The following COL1A1 variants were observed in gnomAD, a reference collection of about 807,000 sequenced individuals.
COL1A1 encodes collagen alpha-1(I) chain.
A neutral mutation model predicts 195.7 loss-of-function variants in COL1A1; 21 were observed. The observed-to-expected ratio is 0.11, with a 90% CI of 0.08 to 0.15. COL1A1 has a LOEUF of 0.15. Ranked by LOEUF, COL1A1 falls within the 10% of genes least tolerant of loss-of-function variation. The pLI, the probability that COL1A1 is intolerant of heterozygous loss-of-function variation, is 1.00. For missense variants in COL1A1, 1,365 were observed against 2,051.0 expected, an observed-to-expected ratio of 0.67 and a Z score of 6.46; for synonymous variants, 749 against 747.3, an observed-to-expected ratio of 1.00 and a Z score of -0.04.
intron 9 of COL1A1, 37 bp downstream of exon 9, chr17:50,197,695 T>C (rs1343720237): frequency 6.6e-7 from 1 of 1,516,998 alleles, no homozygotes; most frequent in Non-Finnish European, 8.9e-7. Flanking sequence ...ATGGAGGCCA[T>C]GGGGTCAGAT....
At chr17:50,200,698 G>A (rs1908006630) in intron 1 of COL1A1, among the ~76,000 whole-genome samples, 1 of 152,232 alleles carries the variant, frequency 6.6e-6, no homozygotes, top group African/African-American at 2.4e-5. Flanking sequence ...AAGCAATGGG[G>A]CCGGGGCGGG....
chr17:50,190,632 C>T lies in COL1A1; in HGVS notation c.2344-36G>A, dbSNP rs761704578. Reference sequence around the variant, plus strand: ...GGGACAAGAGGCTCAGGGTCAGGGCCTCCCCTGAATACTCCTAGTAGATGA... The same window carrying T: ...GGGACAAGAGGCTCAGGGTCAGGGCTTCCCCTGAATACTCCTAGTAGATGA... On this transcript the variant is annotated intron_variant, in intron 33 of 50. Transcript: ENST00000225964. The surrounding 1 kb of genome is among the most constrained non-coding windows in gnomAD (Gnocchi z 4.7). The T allele has an allele frequency of 2.0e-5, 32 of 1,608,374 alleles. No individual in the cohort carries two copies. Among genetic ancestry groups the T allele is most frequent in the South Asian group, 4.4e-5 (4 of 90,800 alleles).
At position 50,185,514 on chromosome 17, in the gene COL1A1, G is replaced by T. The variant is rs759080989; in HGVS notation, c.4383C>A (p.Val1461=). 3.1e-6 allele frequency: 5 copies of T among 1,613,802 alleles called. No individual in the cohort carries two copies. The East Asian group carries it at 1.1e-4, about 36-fold the overall frequency. The part of the protein sequence containing the change: ...DQEFGFDVGP[V]CFL ...GGATGGAGGGAGTTTACAGGAAGCAGACAGGGCCAACGTCGAAGCCGAATT... is the reference window on the plus strand; with the variant it reads ...GGATGGAGGGAGTTTACAGGAAGCATACAGGGCCAACGTCGAAGCCGAATT... The change falls in exon 51 of 51, where the codon GTC becomes GTA. Residue 1461 remains valine, a synonymous_variant. Coordinates refer to ENST00000225964, the MANE Select transcript of COL1A1 (RefSeq NM_000088.4).
intron 2 of COL1A1, 39 bp downstream of exon 2, chr17:50,199,714 C>A: frequency 1.3e-5 from 3 of 224,854 alleles, no homozygotes. Flanking sequence ...AGGCCCCAGG[C>A]CCCAGGCCCC....
chr17:50,186,778 C>T lies in COL1A1; in HGVS notation c.3676G>A (p.Asp1226Asn). The T allele has an allele frequency of 6.2e-7, 1 of 1,614,130 alleles. No homozygotes were observed. The highest frequency in any genetic ancestry group is 8.5e-7 in the Non-Finnish European group (1 of 1,180,044). ...YRADDANVVR[D>N]RDLEVDTTLK... ...GTGGTGTCCACCTCGAGGTCACGGT[C>T]ACGAACCACATTGGCATCATCAGCC... The change falls in exon 48 of 51, where the codon GAC becomes AAC. Residue 1226 changes from aspartate (D) to asparagine (N), a missense_variant. Physicochemically the swap from Asp to Asn is conservative, Grantham distance 23. Transcript: ENST00000225964. The surrounding 1 kb of genome is among the most constrained non-coding windows in gnomAD (Gnocchi z 5.3).
At position 50,189,953 on chromosome 17, in the gene COL1A1, G is replaced by T. The variant is rs746899676; in HGVS notation, c.2560-41C>A. On this transcript the variant is annotated intron_variant, in intron 36 of 50. Transcript: ENST00000225964. This position sits in a 1 kb window ranked among gnomAD's most constrained non-coding sequence, Gnocchi z 5.5. ...GAGGCATCAAGCCTGGACCCGTCCT[G>T]GGTCCCAGCCCACCAGCCTCGTGGG... 2 of 1,611,370 alleles carry T rather than the reference G, an allele frequency of 1.2e-6. No homozygotes were observed. Among genetic ancestry groups the T allele is most frequent in the African/African-American group, 2.7e-5 (2 of 74,862 alleles).
chr17:50,194,980 G>T lies in COL1A1; in HGVS notation c.1353+67C>A. On this transcript the variant is annotated intron_variant, in intron 20 of 50. Transcript: ENST00000225964. The surrounding 1 kb of genome is among the most constrained non-coding windows in gnomAD (Gnocchi z 6.8). ...GACTAGGGGCTCCTCTTCCTTTCTG[G>T]ATTTCCCTCAGGGGGCTCCTAGGGC... 7.3e-6 allele frequency: 11 copies of T among 1,509,794 alleles called. No homozygotes were observed. The highest frequency in any genetic ancestry group is 1.0e-5 in the Non-Finnish European group (11 of 1,092,792). 93.5% of individuals were successfully genotyped at this position (1,509,794 alleles called of 1,614,324 possible). A position where few individuals can be genotyped will look rare whatever the true frequency, so the allele number is the denominator to read the frequency against.
At position 50,189,638 on chromosome 17, in the gene COL1A1, A is replaced by T; in HGVS notation, c.2667+41T>A. The T allele has an allele frequency of 1.2e-6, 2 of 1,612,116 alleles. No individual in the cohort carries two copies. Among genetic ancestry groups the T allele is most frequent in the Non-Finnish European group, 1.7e-6 (2 of 1,179,332 alleles). On this transcript the variant is annotated intron_variant, in intron 38 of 50. Coordinates refer to ENST00000225964, the MANE Select transcript of COL1A1 (RefSeq NM_000088.4). This position sits in a 1 kb window ranked among gnomAD's most constrained non-coding sequence, Gnocchi z 5.5. ...ATCCTTCTGGCAGCCCCCACCCAGC[A>T]CCCCCAACCTAGAGCAGTGGACTCT... is the stretch of plus-strand genomic sequence containing the variant.
At chr17:50,196,970 T>C in intron 11 of COL1A1, 40 bp downstream of exon 11, 1 of 1,609,788 alleles carries the variant, frequency 6.2e-7, no homozygotes, top group Admixed American at 1.7e-5. Context: ...GGGGGTATGC[T>C]AGGGACTTGG....
At position 50,196,218 on chromosome 17, in the gene COL1A1, GC is replaced by G. The variant is rs1475375204; in HGVS notation, c.958-20del. ...GAGCACCCTGCAGGAGAGAGGGGAA[GC>G]CCCGTTAAGTCCACTGAGCACTGGC... On this transcript the variant is annotated intron_variant, in intron 14 of 50. Transcript: ENST00000225964. The G allele has an allele frequency of 1.9e-6, 3 of 1,613,978 alleles. No individual in the cohort carries two copies. Among genetic ancestry groups the G allele is most frequent in the Non-Finnish European group, 2.5e-6 (3 of 1,179,934 alleles).
Position 50,185,522 on chromosome 17 carries a change from C to T in COL1A1, c.4375G>A (p.Gly1459Ser). ...APDQEFGFDV[G>S]PVCFL The stretch of plus-strand genomic sequence containing the variant: ...GGAGTTTACAGGAAGCAGACAGGGC[C>T]AACGTCGAAGCCGAATTCCTGGTCT... Residue 1459 changes from glycine (G) to serine (S), a missense_variant, in exon 51 of 51, where the codon GGC (glycine) becomes AGC (serine). By Grantham distance (56) the Gly-to-Ser change is moderately conservative. This residue lies in a region of COL1A1 where 273 missense variants were observed against 338.6 expected (regional missense o/e 0.81). Coordinates refer to ENST00000225964, the MANE Select transcript of COL1A1 (RefSeq NM_000088.4). 1 of 1,613,210 alleles carries T rather than the reference C, an allele frequency of 6.2e-7. No homozygotes were observed. The highest frequency in any genetic ancestry group is 8.5e-7 in the Non-Finnish European group (1 of 1,179,936).
Position 50,199,581 on chromosome 17 carries a change from G to A in COL1A1, c.308C>T (p.Thr103Ile), listed in dbSNP as rs369883704. The A allele has an allele frequency of 5.6e-6, 9 of 1,614,022 alleles. No homozygotes were observed. Among genetic ancestry groups the A allele is most frequent in the Non-Finnish European group, 6.8e-6 (8 of 1,179,984 alleles). ...PVCPDGSESP[T>I]DQETTGVEGP... is the part of the protein sequence containing the mutation. ...CTCGACGCCGGTGGTTTCTTGGTCG[G>A]TGGGTGACTCTAGGGGACGAAGAGA... Residue 103 changes from threonine (T) to isoleucine (I), a missense_variant, in exon 3 of 51, where the codon ACC (threonine) becomes ATC (isoleucine). By Grantham distance (89) the Thr-to-Ile change is moderately conservative. Transcript: ENST00000225964.
chr17:50,199,302 T>A lies in COL1A1; in HGVS notation c.395A>T (p.Asp132Val). ...AAGTCCAGGCTGTCCAGGGATGCCA[T>A]CTCGGCCAGGGGGGCCTGCGGGTCC... ...PRGPAGPPGR[D>V]GIPGQPGLPG... The change falls in exon 5 of 51, where the codon GAT becomes GTT. Residue 132 changes from aspartate to valine, a missense_variant. This residue lies in a region of COL1A1 where 194 missense variants were observed against 221.7 expected (regional missense o/e 0.88). Coordinates refer to ENST00000225964, the MANE Select transcript of COL1A1 (RefSeq NM_000088.4). 1 of 1,540,954 alleles carries A rather than the reference T, an allele frequency of 6.5e-7. No individual in the cohort carries two copies. The highest frequency in any genetic ancestry group is 1.2e-5 in the South Asian group (1 of 83,422).
rs1906803281 is a variant in COL1A1 at position 50,188,821 on chromosome 17, A to G, written c.3046-26T>C. ...CTGCAGAGAGAGAGAGAGAGAAGTG[A>G]GAGTCAGCCGGGGAAGAGGGCTTAG... is the stretch of plus-strand genomic sequence containing the variant. On this transcript the variant is annotated intron_variant, in intron 41 of 50. Transcript: ENST00000225964. This position sits in a 1 kb window ranked among gnomAD's most constrained non-coding sequence, Gnocchi z 5.6. 1 of 1,612,602 alleles carries G rather than the reference A, an allele frequency of 6.2e-7. No homozygotes were observed. Among genetic ancestry groups the G allele is most frequent in the Non-Finnish European group, 8.5e-7 (1 of 1,178,744 alleles).
rs1906337738 is a variant in COL1A1, at chr17:50,184,846, C to T, written c.*656G>A. 4.3e-6 allele frequency: 1 copy of T among 231,070 alleles called. No homozygotes were observed. The highest frequency in any genetic ancestry group is 5.7e-5 in the Admixed American group (1 of 17,686). 14.3% of individuals were successfully genotyped at this position (231,070 alleles called of 1,614,324 possible). On this transcript the variant is annotated 3_prime_UTR_variant, in exon 51 of 51. Transcript: ENST00000225964. Reference sequence around the variant, plus strand: ...TGGCCCTTCCTGACTCTCCTCCGAACCCAGTGAGGGGCTGGTGGCTCCCCC... The same window carrying T: ...TGGCCCTTCCTGACTCTCCTCCGAATCCAGTGAGGGGCTGGTGGCTCCCCC...
rs772472043 is a variant in COL1A1 at position 50,194,750 on chromosome 17, T to C, written c.1432A>G (p.Thr478Ala). 1.3e-6 allele frequency: 2 copies of C among 1,571,824 alleles called. No individual in the cohort carries two copies. Among genetic ancestry groups the C allele is most frequent in the South Asian group, 2.3e-5 (2 of 86,396 alleles). The change falls in exon 21 of 51, where the codon ACT becomes GCT. Residue 478 changes from threonine to alanine, a missense_variant. Around this residue, in one of 5 missense-constraint regions of COL1A1, gnomAD observed 671 missense variants for 1,099.9 expected, o/e 0.61. Transcript: ENST00000225964. The surrounding 1 kb of genome is among the most constrained non-coding windows in gnomAD (Gnocchi z 6.8). The stretch of plus-strand genomic sequence containing the variant: ...TCGCCAGGGGGTCCGGGCAGGCCAG[T>C]GGGTCCGGGTTCACCTCGAGCTCCT... ...KRGARGEPGP[T>A]GLPGPPGERG...
At position 50,199,401 on chromosome 17, in the gene COL1A1, CA is replaced by C. The variant is rs749246809; in HGVS notation, c.369+16del. 4.9e-5 allele frequency: 79 copies of C among 1,613,686 alleles called. No homozygotes were observed. The East Asian group carries it at 1.8e-3, about 36-fold the overall frequency. On this transcript the variant is annotated intron_variant, in intron 4 of 50. Transcript: ENST00000225964. ...TGCCCACCTGCAGCCCCCCACAGCC[CA>C]GAGTGCAACGCTTACCCTTGGGCCT...
chr17:50,196,361 G>T lies in COL1A1; in HGVS notation c.910C>A (p.Arg304Ser). ...CGACCTCTCTCACCAGGCAGGCCACGGGGGCCCTGACAACCAAACCAAGAG... is the reference window on the plus strand; with the variant it reads ...CGACCTCTCTCACCAGGCAGGCCACTGGGGCCCTGACAACCAAACCAAGAG... ...ENGAPGQMGP[R>S]GLPGERGRPG... Residue 304 changes from arginine (R) to serine (S), a missense_variant, in exon 14 of 51, where the codon CGT becomes AGT. This residue lies in a region of COL1A1 where 226 missense variants were observed against 372.9 expected (regional missense o/e 0.61). Coordinates refer to ENST00000225964, the MANE Select transcript of COL1A1 (RefSeq NM_000088.4). 6.2e-7 allele frequency: 1 copy of T among 1,613,266 alleles called. No homozygotes were observed.
At position 50,194,234 on chromosome 17, in the gene COL1A1, G is replaced by A; in HGVS notation, c.1615-51C>T. On this transcript the variant is annotated intron_variant, in intron 23 of 50. Transcript: ENST00000225964. The surrounding 1 kb of genome is among the most constrained non-coding windows in gnomAD (Gnocchi z 6.8). ...GGACTTGGGGAGAAGCATGATGGAGGTGGGGGAGGACTCCAGAGGGCAGAC... is the reference window on the plus strand; with the variant it reads ...GGACTTGGGGAGAAGCATGATGGAGATGGGGGAGGACTCCAGAGGGCAGAC... 6.3e-7 allele frequency: 1 copy of A among 1,594,534 alleles called. No individual in the cohort carries two copies. Among genetic ancestry groups the A allele is most frequent in the Middle Eastern group, 2.0e-4 (1 of 5,084 alleles).
Sources: gnomAD v4.1 joint callset for allele counts (sites outside exome capture counted in the v4.1 genomes callset) on GRCh38, gnomAD v4.1.1 for gene constraint, gnomAD v4.1.1 regional missense constraint, Gnocchi (gnomAD v3.1) non-coding constraint, MANE v1.5 for transcripts, NCBI Gene and HGNC (gene_info 2026-07-23, HGNC 2026-07-21) for gene names.